The following GBF1 variants were observed in gnomAD, a reference collection of about 807,000 sequenced individuals.
The protein encoded by GBF1 is golgi brefeldin A resistant guanine nucleotide exchange factor 1.
Under a neutral mutation model 210.5 loss-of-function variants are expected in GBF1, and 114 were observed. That is an observed-to-expected ratio of 0.54 (90% confidence interval 0.47 to 0.63). The LOEUF is 0.63. Ranked by LOEUF, GBF1 falls within the 30% of genes least tolerant of loss-of-function variation. The pLI, the probability that GBF1 is intolerant of heterozygous loss-of-function variation, is 0.00. For synonymous variants in GBF1, 850 were observed against 889.2 expected (o/e 0.96, Z 0.78); for missense variants, 1,851 against 2,357.7 (o/e 0.79, Z 4.45).
intron 3 of GBF1, among the ~76,000 whole-genome samples, chr10:102,272,420 A>T (rs1328581099): frequency 6.6e-6 from 1 of 152,208 alleles, no homozygotes; most frequent in East Asian, 1.9e-4. Flanking sequence ...TGTTGATTTT[A>T]ACAGTTTTGT....
rs758922493 is a variant in GBF1, at chr10:102,363,343, C to T, written c.1964C>T (p.Pro655Leu). The T allele has an allele frequency of 8.7e-6, 14 of 1,614,038 alleles. No individual in the cohort carries two copies. The highest frequency in any genetic ancestry group is 1.1e-5 in the Non-Finnish European group (13 of 1,179,954). ...LHLPGGGRLP[P>L]EHGKSGCSDL... ...CTGCCAGGTGGAGGGCGGCTGCCAC[C>T]AGAACATGGGAAATCAGGATGCAGT... Residue 655 changes from proline (P) to leucine (L), a missense_variant, in exon 16 of 40, where the codon CCA becomes CTA. Physicochemically the swap from Pro to Leu is moderately conservative, Grantham distance 98. Transcript: ENST00000369983. This position sits in a 1 kb window ranked among gnomAD's most constrained non-coding sequence, Gnocchi z 4.2.
chr10:102,282,693 T>G (rs776093636), intron 3 of GBF1, among the ~76,000 whole-genome samples: 1 of 152,216 alleles, frequency 6.6e-6, no homozygotes, highest in African/African-American at 2.4e-5. Flanking sequence ...TGTTGTTGGA[T>G]ACCAGGTTCA....
chr10:102,301,479 T>C (rs534268512), intron 3 of GBF1, among the ~76,000 whole-genome samples: 2 of 152,364 alleles, frequency 1.3e-5, no homozygotes, highest in African/African-American at 4.8e-5. Flanking sequence ...TGACCCGTTC[T>C]CAGTGAGCTG....
In GBF1 at chr10:102,382,388, C is replaced by T. The variant is rs753870090; in HGVS notation, c.*52C>T. The T allele has an allele frequency of 6.7e-7, 1 of 1,491,994 alleles. No homozygotes were observed. Among genetic ancestry groups the T allele is most frequent in the Non-Finnish European group, 9.1e-7 (1 of 1,101,570 alleles). The allele number at this position is 1,491,994 out of a possible 1,614,324, so 92.4% of individuals were successfully genotyped here. On this transcript the variant is annotated 3_prime_UTR_variant, in exon 40 of 40. Transcript: ENST00000369983. ...GTGCTTCCCACCAGGCTTTCCTTGA[C>T]CCCACTTCTGGCTGTCCTGCGGGCC...
At chr10:102,254,182 G>A (rs1031405296) in intron 1 of GBF1, among the ~76,000 whole-genome samples, 24 of 152,150 alleles carry the variant, frequency 1.6e-4, no homozygotes, top group Admixed American at 9.2e-4. Flanking sequence ...ATTTTTTAAA[G>A]AGGTTTTGCT....
At position 102,358,510 on chromosome 10, in the gene GBF1, C is replaced by T. The variant is rs1269272462; in HGVS notation, c.792C>T (p.Gly264=). Residue 264 remains glycine, a synonymous_variant, in exon 10 of 40, where the codon GGC becomes GGT. Transcript: ENST00000369983. ...GTCACATACTTTTCTTGGCAGGTGG[C>T]ATGCCCTTCATTGATGTGCCCACTC... ...GTTLSSNLTG[G]MPFIDVPTPI... 10 of 1,610,454 alleles carry T rather than the reference C, an allele frequency of 6.2e-6. No homozygotes were observed. The highest frequency in any genetic ancestry group is 8.5e-6 in the Non-Finnish European group (10 of 1,176,722).
chr10:102,351,484 G>C, intron 5 of GBF1, 110 bp downstream of exon 5: 2 of 719,322 alleles, frequency 2.8e-6, no homozygotes, highest in South Asian at 3.3e-5. Flanking sequence ...TGGGGCTTAG[G>C]GGAGCTACTT....
chr10:102,322,545 C>T (rs77006159), intron 3 of GBF1, among the ~76,000 whole-genome samples: 1,855 of 151,782 alleles, frequency 0.012, 32 homozygotes, highest in African/African-American at 0.043. Flanking sequence ...CCCTTTATTC[C>T]TACAATACAG....
At chr10:102,300,624 C>T (rs564275901) in intron 3 of GBF1, among the ~76,000 whole-genome samples, 22 of 152,114 alleles carry the variant, frequency 1.4e-4, no homozygotes, top group Non-Finnish European at 2.4e-4. Flanking sequence ...TACCTAATGA[C>T]GCCAGAATTC....
chr10:102,360,380 C>T lies in GBF1; in HGVS notation c.1377C>T (p.Cys459=). 3.1e-6 allele frequency: 5 copies of T among 1,607,960 alleles called. No homozygotes were observed. Among genetic ancestry groups the T allele is most frequent in the Non-Finnish European group, 2.6e-6 (3 of 1,174,462 alleles). ...TLLGLIKDEM[C]RHLFQLLSIE... is the part of the protein sequence containing the mutation. ...TGGGCCTCATCAAGGATGAGATGTG[C>T]CGTCACTTATTCCAGGTAAGACAAG... is the stretch of plus-strand genomic sequence containing the variant. Residue 459 remains cysteine (C), a synonymous_variant, in exon 12 of 40, where the codon TGC becomes TGT. Transcript: ENST00000369983.
At chr10:102,367,732 C>T (rs1193644764) in intron 21 of GBF1, among the ~76,000 whole-genome samples, 172 bp downstream of exon 21, 1 of 152,154 alleles carries the variant, frequency 6.6e-6, no homozygotes, top group African/African-American at 2.4e-5. Context: ...TAAAGAAGCC[C>T]AAATGATATT....
At chr10:102,288,399 A>G (rs1357149127) in intron 3 of GBF1, among the ~76,000 whole-genome samples, 1 of 152,190 alleles carries the variant, frequency 6.6e-6, no homozygotes, top group African/African-American at 2.4e-5. Flanking sequence ...TAAAGACCTA[A>G]TGCTCGGGAG....
intron 7 of GBF1, among the ~76,000 whole-genome samples, chr10:102,353,126 A>G (rs1196273532): frequency 6.6e-6 from 1 of 152,154 alleles, no homozygotes; most frequent in Non-Finnish European, 1.5e-5. Context: ...TCTATAGATA[A>G]TAATCCTTAT....
At chr10:102,347,967 C>T (rs994831316) in intron 4 of GBF1, among the ~76,000 whole-genome samples, 7 of 152,132 alleles carry the variant, frequency 4.6e-5, no homozygotes, top group East Asian at 3.9e-4. Flanking sequence ...TGAGACAGTT[C>T]GCTCTGTTGC....
chr10:102,241,928 C>A (rs1475438813), upstream of GBF1, among the ~76,000 whole-genome samples: 1 of 152,218 alleles, frequency 6.6e-6, no homozygotes, highest in Non-Finnish European at 1.5e-5. The surrounding 1 kb of genome is among the most constrained non-coding windows in gnomAD (Gnocchi z 6.7). Context: ...CGGGTCTCAG[C>A]GCTCAGACTT....
At chr10:102,317,435 G>A (rs1025769845) in intron 3 of GBF1, among the ~76,000 whole-genome samples, 9 of 151,908 alleles carry the variant, frequency 5.9e-5, no homozygotes, top group Non-Finnish European at 1.2e-4. Flanking sequence ...CCTGGCCAAC[G>A]TGGAGAAACC....
At chr10:102,332,051 G>C (rs1489350421) in intron 3 of GBF1, among the ~76,000 whole-genome samples, 2 of 151,716 alleles carry the variant, frequency 1.3e-5, no homozygotes, top group African/African-American at 2.4e-5. Context: ...GTAGGGACAG[G>C]GTTTCGCCAT....
At chr10:102,249,885 T>C (rs866358044) in intron 1 of GBF1, among the ~76,000 whole-genome samples, 1 of 152,098 alleles carries the variant, frequency 6.6e-6, no homozygotes, top group South Asian at 2.1e-4. Context: ...AGAGATGTGG[T>C]TTCACCATAT....
chr10:102,334,163 A>G (rs1438489071), intron 3 of GBF1, among the ~76,000 whole-genome samples: 1 of 152,216 alleles, frequency 6.6e-6, no homozygotes, highest in Non-Finnish European at 1.5e-5. Flanking sequence ...AGAGAGAAGT[A>G]GACTCTGAGG....
Sources: allele counts gnomAD v4.1 joint callset (sites outside exome capture counted in the v4.1 genomes callset), GRCh38; gene constraint gnomAD v4.1.1; non-coding constraint Gnocchi (gnomAD v3.1); transcripts MANE v1.5; gene names NCBI Gene and HGNC (gene_info 2026-07-23, HGNC 2026-07-21).